ADAM18: variants seen among roughly 807,000 people sequenced by gnomAD.
ADAM18 encodes the protein disintegrin and metalloproteinase domain-containing protein 18.
In ADAM18, 117 loss-of-function variants were observed where a neutral mutation model predicts 94.4. The observed-to-expected ratio is 1.24, with a 90% CI of 1.07 to 1.45. The LOEUF is 1.45. Among genes scored for constraint, ADAM18 ranks in the 40% most tolerant of loss-of-function variants. The pLI, the probability that ADAM18 is intolerant of heterozygous loss-of-function variation, is 0.00. For synonymous variants in ADAM18, 327 were observed against 291.6 expected (o/e 1.12, Z -1.24); for missense variants, 936 against 880.0 (o/e 1.06, Z -0.81).
intron 6 of ADAM18, among the ~76,000 whole-genome samples, chr8:39,613,100 G>T (rs542834664): frequency 6.6e-6 from 1 of 151,986 alleles, no homozygotes; most frequent in Non-Finnish European, 1.5e-5. Context: ...CCAACATGCC[G>T]CTACCACCAC....
At chr8:39,586,796 CTATCTA>C (rs555366567) in intron 2 of ADAM18, among the ~76,000 whole-genome samples, 21 of 135,148 alleles carry the variant, frequency 1.6e-4, no homozygotes, top group Admixed American at 4.0e-4. Flanking sequence ...ATCTATCTAT[CTATCTA>C]TATCTATCTA....
At chr8:39,636,579 T>C (rs1468531331) in intron 7 of ADAM18, among the ~76,000 whole-genome samples, 1 of 152,162 alleles carries the variant, frequency 6.6e-6, no homozygotes, top group Non-Finnish European at 1.5e-5. Context: ...AGTATATATG[T>C]TTAAGATGTA....
intron 19 of ADAM18, among the ~76,000 whole-genome samples, chr8:39,728,354 C>T (rs1822979998): frequency 6.6e-6 from 1 of 152,012 alleles, no homozygotes; most frequent in Non-Finnish European, 1.5e-5. Context: ...GTTTTGATTA[C>T]TTGACTGATG....
At chr8:39,691,373 G>A (rs1418788369) in intron 16 of ADAM18, among the ~76,000 whole-genome samples, 1 of 152,094 alleles carries the variant, frequency 6.6e-6, no homozygotes, top group Admixed American at 6.5e-5. Context: ...CACTGTTTGT[G>A]ACAATGCAAA....
chr8:39,634,239 G>A (rs571620566), intron 7 of ADAM18, among the ~76,000 whole-genome samples: 1 of 152,226 alleles, frequency 6.6e-6, no homozygotes, highest in South Asian at 2.1e-4. Context: ...GTGTCCACCT[G>A]GTGCTAACTC....
At chr8:39,613,374 G>C (rs774316650) in intron 6 of ADAM18, among the ~76,000 whole-genome samples, 2 of 152,194 alleles carry the variant, frequency 1.3e-5, no homozygotes, top group Non-Finnish European at 2.9e-5. Context: ...ACTAAACCAA[G>C]TATGAGCCCT....
chr8:39,611,032 A>G, intron 6 of ADAM18: 1 of 1,077,966 alleles, frequency 9.3e-7, no homozygotes, highest in Non-Finnish European at 1.1e-6. Flanking sequence ...ATATTTTGTT[A>G]TATATCTTAC....
At chr8:39,607,910 C>T (rs892952345) in intron 3 of ADAM18, among the ~76,000 whole-genome samples, 12 of 151,788 alleles carry the variant, frequency 7.9e-5, no homozygotes, top group African/African-American at 2.9e-4. Context: ...AAATTAACAT[C>T]TCTACCTTAT....
chr8:39,610,172 T>C (rs985440287), intron 5 of ADAM18, among the ~76,000 whole-genome samples: 34 of 152,254 alleles, frequency 2.2e-4, no homozygotes, highest in African/African-American at 7.9e-4. Flanking sequence ...TCATTAGATA[T>C]ATAGTCTACA....
intron 12 of ADAM18, among the ~76,000 whole-genome samples, chr8:39,660,052 G>T (rs896100698): frequency 1.2e-4 from 18 of 152,000 alleles, no homozygotes; most frequent in African/African-American, 4.1e-4. Context: ...TTAACTATAA[G>T]ATATTTTATG....
At chr8:39,686,187 C>T (rs1269807349) in intron 16 of ADAM18, among the ~76,000 whole-genome samples, 1 of 152,176 alleles carries the variant, frequency 6.6e-6, no homozygotes, top group Admixed American at 6.5e-5. Context: ...GTTCCAAAGC[C>T]ACTTCCACAT....
chr8:39,708,398 T>C (rs1230408825), intron 18 of ADAM18, among the ~76,000 whole-genome samples: 1 of 152,208 alleles, frequency 6.6e-6, no homozygotes, highest in Non-Finnish European at 1.5e-5. Context: ...CAAATGATTT[T>C]CATTCCATAT....
At chr8:39,606,268 G>A (rs1819080474) in intron 2 of ADAM18, 39 bp from the exon 3 acceptor site, 1 of 1,138,350 alleles carries the variant, frequency 8.8e-7, no homozygotes. Flanking sequence ...ATATATTTCT[G>A]GTTTCCTTCA....
At chr8:39,695,214 G>T (rs1585988870) in intron 17 of ADAM18, among the ~76,000 whole-genome samples, 1 of 151,710 alleles carries the variant, frequency 6.6e-6, no homozygotes, top group Middle Eastern at 3.4e-3. Flanking sequence ...AGGTTTTGGT[G>T]TGGACATAAG....
rs187134282 is a variant in ADAM18, at chr8:39,664,011, G to A, written c.1326+121G>A. ...GGAATTTAGTGAAATAAAATGTAGAGTGCATGAACAAACACAAGTTTAAAG... is the reference window on the plus strand; with the variant it reads ...GGAATTTAGTGAAATAAAATGTAGAATGCATGAACAAACACAAGTTTAAAG... On this transcript the variant is annotated intron_variant, in intron 13 of 19. Coordinates refer to ENST00000265707, the MANE Select transcript of ADAM18 (RefSeq NM_014237.3). The A allele has an allele frequency of 1.6e-4, 105 of 669,118 alleles. No individual in the cohort carries two copies. The Middle Eastern group carries it at 2.1e-3, about 13-fold the overall frequency. 41.4% of individuals were successfully genotyped at this position (669,118 alleles called of 1,614,324 possible). A position where few individuals can be genotyped will look rare whatever the true frequency, so the allele number is the denominator to read the frequency against.
Position 39,617,094 on chromosome 8 carries a change from G to T in ADAM18, c.522+6388G>T, listed in dbSNP as rs184790341. ...AGTAAACAGACAACCTACAGAATGG[G>T]AGAAAACATTCACAAAGTATGAATC... On this transcript the variant is annotated intron_variant, in intron 6 of 19. Coordinates refer to ENST00000265707, the MANE Select transcript of ADAM18 (RefSeq NM_014237.3). 8.5e-4 allele frequency among the ~76,000 whole-genome samples: 130 copies of T among 152,074 alleles called. 1 individual carries two copies. In the Middle Eastern group the frequency reaches 0.024, roughly 28 times the overall value.
intron 2 of ADAM18, among the ~76,000 whole-genome samples, chr8:39,601,709 C>G (rs919679123): frequency 6.6e-6 from 1 of 152,110 alleles, no homozygotes; most frequent in Non-Finnish European, 1.5e-5. Context: ...ACCACTGTAA[C>G]TATTTTTAAG....
At chr8:39,712,032 G>GT (rs1554515428) in intron 18 of ADAM18, among the ~76,000 whole-genome samples, 3 of 134,598 alleles carry the variant, frequency 2.2e-5, no homozygotes, top group African/African-American at 8.5e-5. Context: ...ATCAGAGAAG[G>GT]CCCCCCCCCG....
At chr8:39,712,424 T>C (rs1396888079) in intron 18 of ADAM18, among the ~76,000 whole-genome samples, 1 of 152,118 alleles carries the variant, frequency 6.6e-6, no homozygotes, top group Non-Finnish European at 1.5e-5. Flanking sequence ...TTCAACATAG[T>C]GTTGGAAGTT....
Sources: allele counts gnomAD v4.1 joint callset (sites outside exome capture counted in the v4.1 genomes callset), GRCh38; gene constraint gnomAD v4.1.1; transcripts MANE v1.5; gene names NCBI Gene and HGNC (gene_info 2026-07-23, HGNC 2026-07-21).